FAT4: variants seen among roughly 807,000 people sequenced by gnomAD.
The protein encoded by FAT4 is FAT atypical cadherin 4.
In FAT4, 84 loss-of-function variants were observed where a neutral mutation model predicts 303.9. That is an observed-to-expected ratio of 0.28 (90% CI 0.23 to 0.33). FAT4 has a LOEUF of 0.33. Ranked by LOEUF, FAT4 falls within the 10% of genes least tolerant of loss-of-function variation. The probability of loss-of-function intolerance (pLI) is 1.00; values close to 1 mark genes in which losing one functional copy is unlikely to be tolerated. For missense variants in FAT4, 6,005 were observed against 6,146.8 expected (o/e 0.98, Z 0.77); for synonymous variants, 2,307 against 2,298.8 (o/e 1.00, Z -0.10).
At chr4:125,399,364 AATT>A (rs1734297772) in intron 3 of FAT4, among the ~76,000 whole-genome samples, 2 of 152,016 alleles carry the variant, frequency 1.3e-5, no homozygotes, top group African/African-American at 4.8e-5. Context: ...TCAGCTATGT[AATT>A]ATTATGTTTC....
intron 8 of FAT4, among the ~76,000 whole-genome samples, chr4:125,443,406 A>G (rs750369995): frequency 6.6e-6 from 1 of 152,146 alleles, no homozygotes; most frequent in Non-Finnish European, 1.5e-5. Context: ...TCTTCACTAC[A>G]TTCCCTCAGT....
At position 125,415,628 on chromosome 4, in the gene FAT4, C is replaced by T. The variant is rs1163197653; in HGVS notation, c.6665C>T (p.Thr2222Ile). The change falls in exon 6 of 18, where the codon ACC (threonine) becomes ATC (isoleucine). Residue 2222 changes from threonine to isoleucine, a missense_variant. Thr to Ile is a moderately conservative substitution (Grantham distance 89). Transcript: ENST00000394329. ...GCTAAACCTTTGGATAGAGAAAAGACCCCTACCTACCATTTAACTGTTCAG... is the reference window on the plus strand; with the variant it reads ...GCTAAACCTTTGGATAGAGAAAAGATCCCTACCTACCATTTAACTGTTCAG... Reference protein sequence around the residue: ...TVAKPLDREKTPTYHLTVQAT... With the variant: ...TVAKPLDREKIPTYHLTVQAT... 2 of 1,613,992 alleles carry T rather than the reference C, an allele frequency of 1.2e-6. No individual in the cohort carries two copies. Among genetic ancestry groups the T allele is most frequent in the East Asian group, 2.2e-5 (1 of 44,860 alleles).
In FAT4 at chr4:125,315,930, A is replaced by T. The variant is rs1213566242; in HGVS notation, c.-60A>T. Reference sequence around the variant, plus strand: ...CCCCACCACCCCTTCCCCGGTGCGCAGTTGTGCTTGGACGTTTGTTCCTCC... The same window carrying T: ...CCCCACCACCCCTTCCCCGGTGCGCTGTTGTGCTTGGACGTTTGTTCCTCC... On this transcript the variant is annotated 5_prime_UTR_variant, in exon 1 of 18. Transcript: ENST00000394329. Among the ~76,000 whole-genome samples, 2 of 152,130 alleles carry T rather than the reference A, an allele frequency of 1.3e-5. No individual in the cohort carries two copies. The highest frequency in any genetic ancestry group is 4.8e-5 in the African/African-American group (2 of 41,440).
At chr4:125,431,913 C>A (rs1012682906) in intron 7 of FAT4, among the ~76,000 whole-genome samples, 3 of 152,026 alleles carry the variant, frequency 2.0e-5, no homozygotes, top group African/African-American at 7.3e-5. Context: ...CATTAACTTC[C>A]ATTTCATAAA....
At chr4:125,392,786 T>G (rs1377906640) in intron 2 of FAT4, among the ~76,000 whole-genome samples, 5 of 152,154 alleles carry the variant, frequency 3.3e-5, no homozygotes, top group Non-Finnish European at 5.9e-5. Flanking sequence ...CTTGTTGACA[T>G]AAAATGCATA....
rs1373378832 is a variant in FAT4 at position 125,450,376 on chromosome 4, G to T, written c.9366G>T (p.Met3122Ile). 1.2e-6 allele frequency: 2 copies of T among 1,613,942 alleles called. No individual in the cohort carries two copies. The highest frequency in any genetic ancestry group is 1.7e-6 in the Non-Finnish European group (2 of 1,179,988). ...TVSARDRDAA[M>I]NGLIKYSISS... The stretch of plus-strand genomic sequence containing the variant: ...CTGCAAGAGATAGAGATGCAGCGAT[G>T]AATGGCTTGATTAAGTACAGCATTT... The change falls in exon 10 of 18, where the codon ATG (methionine) becomes ATT (isoleucine). Residue 3122 changes from methionine (M) to isoleucine (I), a missense_variant. Physicochemically the swap from Met to Ile is conservative, Grantham distance 10. Coordinates refer to ENST00000394329, the MANE Select transcript of FAT4 (RefSeq NM_001291303.3).
intron 2 of FAT4, among the ~76,000 whole-genome samples, chr4:125,343,730 G>A (rs937576685): frequency 6.6e-6 from 1 of 152,064 alleles, no homozygotes; most frequent in African/African-American, 2.4e-5. Context: ...TAGAAATTGT[G>A]GAAGAGGATA....
intron 12 of FAT4, among the ~76,000 whole-genome samples, chr4:125,469,811 G>T (rs4834048): frequency 0.34 from 51,285 of 151,806 alleles, 9,204 homozygotes; most frequent in East Asian, 0.58. Context: ...AACTTCCTCC[G>T]AACTCCTTTT....
intron 7 of FAT4, among the ~76,000 whole-genome samples, chr4:125,431,058 G>GTATCTACAGTAGTAATA (rs1444569353): frequency 6.9e-6 from 1 of 144,538 alleles, no homozygotes; most frequent in Non-Finnish European, 1.6e-5. Context: ...CAGTAGTAAT[G>GTATCTACAGTAGTAATA]TATCTACAGT....
chr4:125,408,418 A>T (rs1451525072), intron 4 of FAT4, 26 bp from the exon 5 acceptor site: 1 of 1,429,162 alleles, frequency 7.0e-7, no homozygotes, highest in Non-Finnish European at 9.5e-7. Context: ...CCTTGATTTT[A>T]TACTATTAAT....
chr4:125,321,782 A>G (rs1730963975), intron 2 of FAT4, among the ~76,000 whole-genome samples, 196 bp downstream of exon 2: 1 of 152,238 alleles, frequency 6.6e-6, no homozygotes, highest in Non-Finnish European at 1.5e-5. Flanking sequence ...CAACTAAACA[A>G]CAAACTTTCT....
rs1730756002 is a variant in FAT4 at position 125,318,565 on chromosome 4, G to T, written c.2154G>T (p.Leu718Phe). ...ITTVSATDPDLGTNGTVKYSI... is the reference protein window; with the variant it reads ...ITTVSATDPDFGTNGTVKYSI... Reference sequence around the variant, plus strand: ...CTGTGTCTGCCACTGACCCAGACTTGGGTACCAATGGTACTGTCAAATATA... The same window carrying T: ...CTGTGTCTGCCACTGACCCAGACTTTGGTACCAATGGTACTGTCAAATATA... Residue 718 changes from leucine (L) to phenylalanine (F), a missense_variant, in exon 2 of 18, where the codon TTG becomes TTT. By Grantham distance (22) the Leu-to-Phe change is conservative. Coordinates refer to ENST00000394329, the MANE Select transcript of FAT4 (RefSeq NM_001291303.3). 1 of 1,614,130 alleles carries T rather than the reference G, an allele frequency of 6.2e-7. No individual in the cohort carries two copies. The highest frequency in any genetic ancestry group is 1.3e-5 in the African/African-American group (1 of 75,034).
chr4:125,417,850 GATAA>G (rs1373578514), intron 7 of FAT4, among the ~76,000 whole-genome samples: 10 of 152,132 alleles, frequency 6.6e-5, no homozygotes, highest in South Asian at 2.1e-4. Flanking sequence ...GCCACTGGTG[GATAA>G]ATACTCAATT....
Position 125,468,556 on chromosome 4 carries a change from G to C in FAT4, c.11950G>C (p.Glu3984Gln). The C allele has an allele frequency of 6.2e-7, 1 of 1,613,416 alleles. No individual in the cohort carries two copies. The highest frequency in any genetic ancestry group is 8.5e-7 in the Non-Finnish European group (1 of 1,179,532). The change falls in exon 12 of 18, where the codon GAG (glutamate) becomes CAG (glutamine). Residue 3984 changes from glutamate to glutamine, a missense_variant. Coordinates refer to ENST00000394329, the MANE Select transcript of FAT4 (RefSeq NM_001291303.3). Reference protein sequence around the residue: ...HCELNSYGFEELSYMEFPSLD... With the variant: ...HCELNSYGFEQLSYMEFPSLD... ...CGAGTTGAACAGTTATGGATTTGAG[G>C]AGTTATCATACATGGAATTTCCAAG...
intron 7 of FAT4, among the ~76,000 whole-genome samples, chr4:125,420,886 T>A (rs1023262099): frequency 6.6e-6 from 1 of 152,224 alleles, no homozygotes; most frequent in African/African-American, 2.4e-5. Context: ...AAGATTTAAT[T>A]CAAAACCTGC....
In FAT4 at chr4:125,492,192, A is replaced by G. The variant is rs1024683852; in HGVS notation, c.*424A>G. 5 of 161,722 alleles carry G rather than the reference A, an allele frequency of 3.1e-5. No homozygotes were observed. In the East Asian group the frequency reaches 7.2e-4, roughly 23 times the overall value. 10.0% of individuals were successfully genotyped at this position (161,722 alleles called of 1,614,324 possible). A position where few individuals can be genotyped will look rare whatever the true frequency, so the allele number is the denominator to read the frequency against. On this transcript the variant is annotated 3_prime_UTR_variant, in exon 18 of 18. Transcript: ENST00000394329. ...TTCTTGATGTTAAACCAATCCTTGT[A>G]AAGTGTAAAAAGGAACCCTCCTATC...
intron 3 of FAT4, among the ~76,000 whole-genome samples, chr4:125,403,474 A>T (rs1464464223): frequency 6.6e-6 from 1 of 151,832 alleles, no homozygotes. Flanking sequence ...CCATTCCTTC[A>T]CCATCATTCA....
intron 8 of FAT4, among the ~76,000 whole-genome samples, chr4:125,436,791 C>A (rs748238899): frequency 6.6e-6 from 1 of 152,034 alleles, no homozygotes; most frequent in Non-Finnish European, 1.5e-5. Context: ...TCGAAGCTGC[C>A]CCCATGATTC....
intron 2 of FAT4, among the ~76,000 whole-genome samples, chr4:125,380,332 T>A (rs1429470285): frequency 2.0e-5 from 3 of 152,210 alleles, no homozygotes; most frequent in African/African-American, 7.2e-5. Flanking sequence ...AAGTCACTTT[T>A]GTCAAAATAA....
Sources: gnomAD v4.1 joint callset for allele counts (sites outside exome capture counted in the v4.1 genomes callset) on GRCh38, gnomAD v4.1.1 for gene constraint, MANE v1.5 for transcripts, NCBI Gene and HGNC (gene_info 2026-07-23, HGNC 2026-07-21) for gene names.